Variants in SERPINA3 observed in about 807,000 individuals in gnomAD.
SERPINA3 encodes the protein serpin family A member 3.
SERPINA3 carries 32 observed loss-of-function variants against 26.8 expected under a neutral mutation model. The ratio of observed to expected loss-of-function variants is 1.20; its 90% confidence interval spans 0.90 to 1.61. The LOEUF (loss-of-function observed/expected upper bound fraction) is 1.61, where lower values mean the gene tolerates loss of function less well. SERPINA3 is among the 40% of genes most tolerant of loss of function. The pLI is 0.00. For synonymous variants in SERPINA3, 252 were observed against 206.4 expected, an observed-to-expected ratio of 1.22 and a Z score of -1.89; for missense variants, 632 against 517.9, an observed-to-expected ratio of 1.22 and a Z score of -2.14.
At chr14:94,612,891 A>T (rs990939031) in intron 1 of SERPINA3, among the ~76,000 whole-genome samples, 3 of 152,036 alleles carry the variant, frequency 2.0e-5, no homozygotes, top group Admixed American at 2.0e-4. Context: ...CTGCCTCGGG[A>T]GCTCCACTTC....
rs1005953092 is a variant in SERPINA3 at position 94,622,746 on chromosome 14, C to T, written c.1068+255C>T. On this transcript the variant is annotated intron_variant, in intron 4 of 4. Transcript: ENST00000393078. ...TCAGAGAGCCATGGACACCATTCCA[C>T]ACTATACCATTTACTATCCATGGGG... 5 of 543,584 alleles carry T rather than the reference C, an allele frequency of 9.2e-6. No homozygotes were observed. In the Admixed American group the frequency reaches 1.2e-4, roughly 13 times the overall value. The allele number at this position is 543,584 out of a possible 1,614,324, so 33.7% of individuals were successfully genotyped here.
Position 94,615,088 on chromosome 14 carries a change from A to C in SERPINA3, c.643+4A>C, listed in dbSNP as rs760759936. The C allele has an allele frequency of 6.2e-7, 1 of 1,613,688 alleles. No individual in the cohort carries two copies. The highest frequency in any genetic ancestry group is 8.5e-7 in the Non-Finnish European group (1 of 1,180,008). On this transcript the variant is annotated splice_donor_region_variant and intron_variant, in intron 2 of 4. Transcript: ENST00000393078. ...GTGAATTACATCTTCTTTAAAGGTG[A>C]GTGTGCCTGGCTTGGGGTTCAGAAG...
Position 94,622,491 on chromosome 14 carries a change from G to C in SERPINA3, c.1068G>C (p.Gln356His). ...GGGCCAGGAACCTAGCAGTCTCCCA[G>C]GTGAGTCTTTAGACTTGGGTCAATT... Reference protein sequence around the residue: ...ITGARNLAVSQVVHKAVLDVF... With the variant: ...ITGARNLAVSHVVHKAVLDVF... Residue 356 changes from glutamine to histidine, a missense_variant and splice_region_variant, in exon 4 of 5, where the codon CAG (glutamine) becomes CAC (histidine). Physicochemically the swap from Gln to His is conservative, Grantham distance 24 (BLOSUM62 0). Coordinates refer to ENST00000393078, the MANE Select transcript of SERPINA3 (RefSeq NM_001085.5). The C allele has an allele frequency of 1.2e-6, 2 of 1,614,056 alleles. No homozygotes were observed. Among genetic ancestry groups the C allele is most frequent in the Non-Finnish European group, 1.7e-6 (2 of 1,179,994 alleles).
chr14:94,619,738 A>G, intron 3 of SERPINA3: 1 of 518,392 alleles, frequency 1.9e-6, no homozygotes, highest in East Asian at 3.5e-5. Flanking sequence ...CCAAACACTC[A>G]TGCATGGTTT....
intron 1 of SERPINA3, 80 bp from the exon 2 acceptor site, chr14:94,614,354 C>T (rs142572500): frequency 1.2e-4 from 171 of 1,441,684 alleles, no homozygotes; most frequent in East Asian, 5.7e-4. Flanking sequence ...GGGACCAGGA[C>T]GCAGGCTGGG....
chr14:94,620,219 AG>A (rs1886150954), intron 3 of SERPINA3, among the ~76,000 whole-genome samples: 1 of 152,140 alleles, frequency 6.6e-6, no homozygotes. Flanking sequence ...ATTAGGGAAA[AG>A]CATTCCTGGC....
chr14:94,614,807 C>A lies in SERPINA3; in HGVS notation c.366C>A (p.Leu122=). ...EAEIHQSFQH[L]LRTLNQSSDE... is the part of the protein sequence containing the mutation. The stretch of plus-strand genomic sequence containing the variant: ...AAATTCACCAGAGCTTCCAGCACCT[C>A]CTGCGCACCCTCAATCAGTCCAGCG... Residue 122 remains leucine, a synonymous_variant, in exon 2 of 5, where the codon CTC becomes CTA. Transcript: ENST00000393078. 6.2e-7 allele frequency: 1 copy of A among 1,614,228 alleles called. No homozygotes were observed. The highest frequency in any genetic ancestry group is 1.1e-5 in the South Asian group (1 of 91,074).
At position 94,623,842 on chromosome 14, in the gene SERPINA3, A is replaced by C; in HGVS notation, c.*28A>C. 6.2e-7 allele frequency: 1 copy of C among 1,602,076 alleles called. No homozygotes were observed. Among genetic ancestry groups the C allele is most frequent in the Non-Finnish European group, 8.5e-7 (1 of 1,169,876 alleles). Reference sequence around the variant, plus strand: ...CTTGCCATCAAGCAGTGGGGCTCTCAGTAAGGAACTTGGAATGCAAGCTGG... The same window carrying C: ...CTTGCCATCAAGCAGTGGGGCTCTCCGTAAGGAACTTGGAATGCAAGCTGG... On this transcript the variant is annotated 3_prime_UTR_variant, in exon 5 of 5. Transcript: ENST00000393078.
At chr14:94,616,423 G>A (rs1177442939) in intron 2 of SERPINA3, among the ~76,000 whole-genome samples, 3 of 152,206 alleles carry the variant, frequency 2.0e-5, no homozygotes, top group Admixed American at 1.3e-4. Context: ...TTTACATACA[G>A]TGTATGTGAC....
chr14:94,615,379 G>C (rs1298106242), intron 2 of SERPINA3: 2 of 511,514 alleles, frequency 3.9e-6, no homozygotes, highest in African/African-American at 3.8e-5. Context: ...GAAAGAAGGA[G>C]CTCTCCTTTC....
intron 2 of SERPINA3, 152 bp from the exon 3 acceptor site, chr14:94,619,043 C>G (rs1886096999): frequency 7.3e-6 from 6 of 822,884 alleles, no homozygotes; most frequent in Non-Finnish European, 2.1e-6. Context: ...TCCCTCACCC[C>G]CAATAACTTT....
intron 2 of SERPINA3, among the ~76,000 whole-genome samples, chr14:94,616,221 G>A (rs1435436550): frequency 6.6e-6 from 1 of 152,120 alleles, no homozygotes; most frequent in Non-Finnish European, 1.5e-5. Context: ...CTAACAATGG[G>A]AAACAGGCAG....
In SERPINA3 at chr14:94,615,103, G is replaced by T; in HGVS notation, c.643+19G>T. On this transcript the variant is annotated intron_variant, in intron 2 of 4. Transcript: ENST00000393078. ...TTTAAAGGTGAGTGTGCCTGGCTTGGGGTTCAGAAGAGGTGGATCTCAGGG... is the reference window on the plus strand; with the variant it reads ...TTTAAAGGTGAGTGTGCCTGGCTTGTGGTTCAGAAGAGGTGGATCTCAGGG... 1 of 1,612,710 alleles carries T rather than the reference G, an allele frequency of 6.2e-7. No individual in the cohort carries two copies. The highest frequency in any genetic ancestry group is 1.1e-5 in the South Asian group (1 of 91,018).
intron 3 of SERPINA3, 122 bp downstream of exon 3, chr14:94,619,590 T>G (rs1239405355): frequency 1.5e-5 from 19 of 1,261,248 alleles, no homozygotes; most frequent in Non-Finnish European, 1.8e-5. Context: ...TACACTTACT[T>G]TGCCCTATGC....
intron 4 of SERPINA3, 112 bp downstream of exon 4, chr14:94,622,603 A>G (rs1886246699): frequency 8.5e-6 from 10 of 1,182,274 alleles, no homozygotes; most frequent in Middle Eastern, 2.7e-4. Flanking sequence ...TGCATTTCTC[A>G]TTATATACTC....
Position 94,622,487 on chromosome 14 carries a change from C to G in SERPINA3, c.1064C>G (p.Ser355Cys). The change falls in exon 4 of 5, where the codon TCC becomes TGC. Residue 355 changes from serine to cysteine, a missense_variant. Physicochemically the swap from Ser to Cys is moderately radical, Grantham distance 112. Coordinates refer to ENST00000393078, the MANE Select transcript of SERPINA3 (RefSeq NM_001085.5). Reference sequence around the variant, plus strand: ...ACAGGGGCCAGGAACCTAGCAGTCTCCCAGGTGAGTCTTTAGACTTGGGTC... The same window carrying G: ...ACAGGGGCCAGGAACCTAGCAGTCTGCCAGGTGAGTCTTTAGACTTGGGTC... ...GITGARNLAV[S>C]QVVHKAVLDV... 6.2e-7 allele frequency: 1 copy of G among 1,614,080 alleles called. No individual in the cohort carries two copies. The highest frequency in any genetic ancestry group is 8.5e-7 in the Non-Finnish European group (1 of 1,180,012).
At chr14:94,615,118 G>A (rs149369647) in intron 2 of SERPINA3, 34 bp downstream of exon 2, 149 of 1,608,880 alleles carry the variant, frequency 9.3e-5, no homozygotes, top group African/African-American at 8.9e-4. Flanking sequence ...CAGAAGAGGT[G>A]GATCTCAGGG....
chr14:94,620,213 G>A (rs1283959163), intron 3 of SERPINA3, among the ~76,000 whole-genome samples: 1 of 152,144 alleles, frequency 6.6e-6, no homozygotes, highest in African/African-American at 2.4e-5. Context: ...TGGTATATTA[G>A]GGAAAAGCAT....
At position 94,619,422 on chromosome 14, in the gene SERPINA3, C is replaced by G. The variant is rs1190820294; in HGVS notation, c.871C>G (p.Leu291Val). 6.2e-7 allele frequency: 1 copy of G among 1,614,184 alleles called. No individual in the cohort carries two copies. ...QDKMEEVEAM[L>V]LPETLKRWRD... Reference sequence around the variant, plus strand: ...CAAGATGGAGGAAGTGGAAGCCATGCTGCTCCCAGAGACCCTGAAGCGGTG... The same window carrying G: ...CAAGATGGAGGAAGTGGAAGCCATGGTGCTCCCAGAGACCCTGAAGCGGTG... The change falls in exon 3 of 5, where the codon CTG becomes GTG. Residue 291 changes from leucine (L) to valine (V), a missense_variant. Physicochemically the swap from Leu to Val is conservative, Grantham distance 32 (BLOSUM62 1). Transcript: ENST00000393078.
Sources: gnomAD v4.1 joint callset for allele counts (sites outside exome capture counted in the v4.1 genomes callset) on GRCh38, gnomAD v4.1.1 for gene constraint, MANE v1.5 for transcripts, NCBI Gene and HGNC (gene_info 2026-07-23, HGNC 2026-07-21) for gene names.